MECOM: variants seen among roughly 807,000 people sequenced by gnomAD.
MECOM encodes MDS1 and EVI1 complex locus.
MECOM carries 13 observed loss-of-function variants against 116.3 expected under a neutral mutation model. The ratio of observed to expected loss-of-function variants is 0.11; its 90% CI spans 0.07 to 0.18. The LOEUF (loss-of-function observed/expected upper bound fraction) is 0.18. Ranked by LOEUF, MECOM falls within the 10% of genes least tolerant of loss-of-function variation. The pLI, the probability that MECOM is intolerant of heterozygous loss-of-function variation, is 1.00. For missense variants in MECOM, 1,299 were observed against 1,509.0 expected (o/e 0.86, Z 2.31); for synonymous variants, 528 against 535.2 (o/e 0.99, Z 0.19).
intron 2 of MECOM, among the ~76,000 whole-genome samples, chr3:169,223,040 C>A (rs1752311397): frequency 6.6e-6 from 1 of 152,110 alleles, no homozygotes; most frequent in African/African-American, 2.4e-5. Flanking sequence ...AATGGTGAGA[C>A]TGGATACAGT....
At chr3:169,273,137 C>T (rs1032597886) in intron 2 of MECOM, among the ~76,000 whole-genome samples, 2 of 152,176 alleles carry the variant, frequency 1.3e-5, no homozygotes, top group South Asian at 2.1e-4. Context: ...CGTATTTCAG[C>T]TGCCCACATG....
chr3:169,202,285 C>T (rs13080264), intron 2 of MECOM, among the ~76,000 whole-genome samples: 50,712 of 151,928 alleles, frequency 0.33, 9,350 homozygotes, highest in Middle Eastern at 0.56. Flanking sequence ...CATCGTATAA[C>T]ATTTGGATTT....
chr3:169,327,901 A>G (rs766104139), intron 2 of MECOM, among the ~76,000 whole-genome samples: 3 of 152,062 alleles, frequency 2.0e-5, no homozygotes, highest in Non-Finnish European at 4.4e-5. Context: ...GCCCTTAAAT[A>G]CTTCACTTCA....
chr3:169,488,411 T>C (rs1229742665), intron 1 of MECOM, among the ~76,000 whole-genome samples: 2 of 147,154 alleles, frequency 1.4e-5, no homozygotes, highest in African/African-American at 2.5e-5. Context: ...CCAGGTGTGG[T>C]GGCACACACC....
chr3:169,153,499 T>C (rs1741479012), intron 2 of MECOM, among the ~76,000 whole-genome samples: 1 of 152,210 alleles, frequency 6.6e-6, no homozygotes, highest in Admixed American at 6.5e-5. Context: ...TAAGTGCTTT[T>C]GGAAAAAACC....
chr3:169,339,558 A>AAT (rs1724132410), intron 2 of MECOM, among the ~76,000 whole-genome samples: 1 of 152,194 alleles, frequency 6.6e-6, no homozygotes, highest in African/African-American at 2.4e-5. Flanking sequence ...ACTGTCATTG[A>AAT]GTCACCTGGG....
chr3:169,592,859 T>C (rs1379895811), intron 1 of MECOM, among the ~76,000 whole-genome samples: 1 of 152,156 alleles, frequency 6.6e-6, no homozygotes, highest in Non-Finnish European at 1.5e-5. Context: ...GGATACATAC[T>C]TATAAATCTA....
At chr3:169,449,416 A>G (rs540576361) in intron 1 of MECOM, among the ~76,000 whole-genome samples, 2 of 152,304 alleles carry the variant, frequency 1.3e-5, no homozygotes, top group Admixed American at 6.5e-5. Flanking sequence ...CTGGGTACTT[A>G]ATATTGTTTT....
At chr3:169,565,308 G>A (rs1168723567) in intron 1 of MECOM, among the ~76,000 whole-genome samples, 1 of 152,178 alleles carries the variant, frequency 6.6e-6, no homozygotes, top group Non-Finnish European at 1.5e-5. Context: ...GGAGAATGGT[G>A]TCAGAAAGCC....
chr3:169,482,011 T>A (rs1201458364), intron 1 of MECOM, among the ~76,000 whole-genome samples: 1 of 152,222 alleles, frequency 6.6e-6, no homozygotes, highest in Non-Finnish European at 1.5e-5. Context: ...ATCAGGAATT[T>A]ATAGACTGGA....
intron 1 of MECOM, among the ~76,000 whole-genome samples, chr3:169,654,756 TTTTTCCAGATAAATG>T (rs980825769): frequency 1.5e-4 from 23 of 152,030 alleles, no homozygotes; most frequent in African/African-American, 4.8e-4. Flanking sequence ...TAAAAGACTA[TTTTTCCAGATAAATG>T]GCCAGATATC....
intron 2 of MECOM, among the ~76,000 whole-genome samples, chr3:169,168,993 T>C (rs969453428): frequency 5.3e-5 from 8 of 152,068 alleles, no homozygotes; most frequent in African/African-American, 1.9e-4. Context: ...AATTTAGACA[T>C]ATTATTAATA....
chr3:169,182,054 G>A (rs976333632), intron 2 of MECOM, among the ~76,000 whole-genome samples: 1 of 152,284 alleles, frequency 6.6e-6, no homozygotes, highest in Middle Eastern at 3.4e-3. Context: ...ATGAAGGATA[G>A]GAAGAGGAAT....
At chr3:169,123,225 C>T (rs1392075715) in intron 5 of MECOM, among the ~76,000 whole-genome samples, 1 of 150,664 alleles carries the variant, frequency 6.6e-6, no homozygotes, top group Non-Finnish European at 1.5e-5. Flanking sequence ...AGTATTCTGT[C>T]TAATGTATAT....
At chr3:169,200,558 A>G (rs969377980) in intron 2 of MECOM, among the ~76,000 whole-genome samples, 1 of 152,100 alleles carries the variant, frequency 6.6e-6, no homozygotes, top group Admixed American at 6.6e-5. Context: ...GGCAATCTGA[A>G]GGAAAAAATT....
At chr3:169,152,946 T>C (rs1741391965) in intron 2 of MECOM, among the ~76,000 whole-genome samples, 3 of 152,334 alleles carry the variant, frequency 2.0e-5, no homozygotes, top group Admixed American at 1.3e-4. Flanking sequence ...GAAACTAAGA[T>C]GAAGTACTTT....
intron 2 of MECOM, among the ~76,000 whole-genome samples, chr3:169,347,935 C>T (rs1251221647): frequency 3.3e-5 from 5 of 151,960 alleles, no homozygotes; most frequent in Admixed American, 1.3e-4. Context: ...TGAAGACATT[C>T]GATTCCAACA....
intron 2 of MECOM, among the ~76,000 whole-genome samples, chr3:169,188,014 A>G (rs900336958): frequency 2.0e-5 from 3 of 152,140 alleles, no homozygotes. Flanking sequence ...AAATACCATT[A>G]TAGCTATCTT....
Position 169,618,601 on chromosome 3 carries a change from G to A in MECOM, c.37+44735C>T, listed in dbSNP as rs1303807266. Among the ~76,000 whole-genome samples the A allele has an allele frequency of 2.0e-5, 3 of 150,210 alleles. No homozygotes were observed. The East Asian group carries it at 5.9e-4, about 30-fold the overall frequency. ...GAACCCAGGAGACGGAGGTTGCAGT[G>A]AGCCGAGATCACACCACTGCACTCC... On this transcript the variant is annotated intron_variant, in intron 1 of 16. Coordinates refer to ENST00000651503, the MANE Select transcript of MECOM (RefSeq NM_004991.4).
Sources: gnomAD v4.1 joint callset for allele counts (sites outside exome capture counted in the v4.1 genomes callset) on GRCh38, gnomAD v4.1.1 for gene constraint, MANE v1.5 for transcripts, NCBI Gene and HGNC (gene_info 2026-07-23, HGNC 2026-07-21) for gene names.